Variants in PPP6R3 observed in about 807,000 individuals in gnomAD.
PPP6R3 encodes the protein serine/threonine-protein phosphatase 6 regulatory subunit 3.
Under a neutral mutation model 110.7 loss-of-function variants are expected in PPP6R3, and 38 were observed. The observed-to-expected ratio is 0.34, with a 90% CI of 0.26 to 0.45. The LOEUF is 0.45. Among genes scored for constraint, PPP6R3 ranks in the 20% least tolerant of loss-of-function variants. The pLI, the probability that PPP6R3 is intolerant of heterozygous loss-of-function variation, is 1.00. For missense variants in PPP6R3, 870 were observed against 1,062.4 expected, an observed-to-expected ratio of 0.82 and a Z score of 2.52; for synonymous variants, 369 against 373.5, an observed-to-expected ratio of 0.99 and a Z score of 0.14.
chr11:68,604,973 C>T (rs1386237396), intron 22 of PPP6R3, among the ~76,000 whole-genome samples: 1 of 151,978 alleles, frequency 6.6e-6, no homozygotes, highest in Non-Finnish European at 1.5e-5. Flanking sequence ...GTCATAAGAC[C>T]AAAGAGAGCC....
chr11:68,489,507 G>A (rs1291070526), intron 1 of PPP6R3, among the ~76,000 whole-genome samples: 1 of 150,546 alleles, frequency 6.6e-6, no homozygotes, highest in East Asian at 1.9e-4. Context: ...ATTATACCTC[G>A]TTTTATTGTG....
chr11:68,578,985 T>C (rs1207643751), intron 14 of PPP6R3, among the ~76,000 whole-genome samples: 1 of 152,156 alleles, frequency 6.6e-6, no homozygotes, highest in Non-Finnish European at 1.5e-5. Context: ...CTTTGAAAAA[T>C]TTGAGTTTGT....
At chr11:68,491,850 C>A (rs1591957201) in intron 1 of PPP6R3, among the ~76,000 whole-genome samples, 1 of 151,980 alleles carries the variant, frequency 6.6e-6, no homozygotes, top group South Asian at 2.1e-4. Flanking sequence ...TACAGTAACA[C>A]TAACGATAGC....
intron 1 of PPP6R3, among the ~76,000 whole-genome samples, chr11:68,497,886 AT>A (rs1401555908): frequency 6.6e-6 from 1 of 152,068 alleles, no homozygotes; most frequent in Non-Finnish European, 1.5e-5. Context: ...TGATTGCCTC[AT>A]TTTTAATGAC....
chr11:68,556,691 A>G (rs1209439288), intron 7 of PPP6R3, among the ~76,000 whole-genome samples: 1 of 152,168 alleles, frequency 6.6e-6, no homozygotes, highest in Non-Finnish European at 1.5e-5. Context: ...AAATGAATAT[A>G]TTTTCTCGCA....
At chr11:68,570,889 A>G (rs2099501652) in intron 11 of PPP6R3, 151 bp from the exon 12 acceptor site, 7 of 913,598 alleles carry the variant, frequency 7.7e-6, no homozygotes, top group Non-Finnish European at 1.1e-5. Flanking sequence ...GGGTGTCTGC[A>G]GTAGATTGAT....
Position 68,601,914 on chromosome 11 carries a change from T to C in PPP6R3, c.2244T>C (p.Thr748=). Residue 748 remains threonine, a synonymous_variant, in exon 21 of 24, where the codon ACT becomes ACC. Transcript: ENST00000393800. ...SNSPVEMETS[T]EPMDPLTPSA... is the part of the protein sequence containing the mutation. ...CTCCAGTGGAAATGGAAACCAGCAC[T>C]GAACCCATGGACCCTCTGACTCCCA... 1 of 1,613,710 alleles carries C rather than the reference T, an allele frequency of 6.2e-7. No homozygotes were observed. Among genetic ancestry groups the C allele is most frequent in the Non-Finnish European group, 8.5e-7 (1 of 1,179,838 alleles).
chr11:68,491,572 ACTT>A (rs1173885711), intron 1 of PPP6R3, among the ~76,000 whole-genome samples: 1 of 151,910 alleles, frequency 6.6e-6, no homozygotes, highest in Non-Finnish European at 1.5e-5. Context: ...CTGGTCCTGA[ACTT>A]CTGGGCTCAA....
intron 1 of PPP6R3, among the ~76,000 whole-genome samples, chr11:68,465,677 C>T (rs1445027328): frequency 6.6e-6 from 1 of 152,160 alleles, no homozygotes; most frequent in Non-Finnish European, 1.5e-5. Context: ...ATTAGGGATT[C>T]ACTGATGAAC....
chr11:68,505,159 T>C (rs1483313386), intron 1 of PPP6R3: 1 of 152,184 alleles, frequency 6.6e-6, no homozygotes, highest in Non-Finnish European at 1.5e-5. Context: ...GAAAACAAGC[T>C]CAGAGAGATG....
At chr11:68,486,260 C>T (rs1474099091) in intron 1 of PPP6R3, among the ~76,000 whole-genome samples, 2 of 151,890 alleles carry the variant, frequency 1.3e-5, no homozygotes, top group South Asian at 4.2e-4. Context: ...GTGTCCTTGT[C>T]TGATTTTGGT....
At chr11:68,494,853 CT>C (rs1041965950) in intron 1 of PPP6R3, among the ~76,000 whole-genome samples, 2 of 152,238 alleles carry the variant, frequency 1.3e-5, no homozygotes, top group African/African-American at 4.8e-5. Flanking sequence ...CAGCAAGCCC[CT>C]TAAAAACAAA....
At chr11:68,558,811 A>T in intron 8 of PPP6R3, 132 bp downstream of exon 8, 1 of 658,250 alleles carries the variant, frequency 1.5e-6, no homozygotes, top group Non-Finnish European at 2.6e-6. Flanking sequence ...CTGCTATATA[A>T]ACCATAGCCT....
intron 1 of PPP6R3, among the ~76,000 whole-genome samples, chr11:68,487,836 C>G (rs936254684): frequency 2.0e-5 from 3 of 152,060 alleles, no homozygotes; most frequent in African/African-American, 4.8e-5. Context: ...GAACTGTAAT[C>G]TGCTGTTGTT....
chr11:68,580,096 G>A (rs1236354271), intron 14 of PPP6R3, among the ~76,000 whole-genome samples: 1 of 152,182 alleles, frequency 6.6e-6, no homozygotes, highest in Non-Finnish European at 1.5e-5. Context: ...TCACTGGGAA[G>A]GTGCATTTGT....
At chr11:68,590,635 A>G (rs749997685) in intron 16 of PPP6R3, 25 bp from the exon 17 acceptor site, 1 of 1,518,432 alleles carries the variant, frequency 6.6e-7, no homozygotes, top group East Asian at 2.3e-5. Context: ...AATGCTTCCT[A>G]CACTTTTATT....
At chr11:68,496,086 C>G (rs1391908456) in intron 1 of PPP6R3, among the ~76,000 whole-genome samples, 2 of 151,956 alleles carry the variant, frequency 1.3e-5, no homozygotes, top group East Asian at 3.9e-4. Context: ...ACCTCCTGGG[C>G]TGAAGTGATC....
At chr11:68,521,901 G>A (rs2099166025) in intron 2 of PPP6R3, among the ~76,000 whole-genome samples, 1 of 152,118 alleles carries the variant, frequency 6.6e-6, no homozygotes, top group African/African-American at 2.4e-5. Flanking sequence ...TAAAGTCAGA[G>A]TTGCTCCCAT....
At chr11:68,504,801 A>G (rs2099067184) in intron 1 of PPP6R3, among the ~76,000 whole-genome samples, 1 of 152,186 alleles carries the variant, frequency 6.6e-6, no homozygotes, top group African/African-American at 2.4e-5. Flanking sequence ...ACCTGACTGT[A>G]TAGAACTTTT....
Sources: allele counts gnomAD v4.1 joint callset (sites outside exome capture counted in the v4.1 genomes callset), GRCh38; gene constraint gnomAD v4.1.1; transcripts MANE v1.5; gene names NCBI Gene and HGNC (gene_info 2026-07-23, HGNC 2026-07-21).